Variants in MUC17 observed in about 807,000 individuals in gnomAD.
MUC17 encodes the protein mucin 17, cell surface associated.
Under a neutral mutation model 170.3 loss-of-function variants are expected in MUC17, and 190 were observed. The ratio of observed to expected loss-of-function variants is 1.12; its 90% confidence interval spans 0.99 to 1.26. MUC17 has a LOEUF of 1.26. Ranked by LOEUF, MUC17 falls within the 50% of genes most tolerant of loss-of-function variation. MUC17 has a pLI of 0.00. For missense variants in MUC17, 6,415 were observed against 5,530.0 expected (o/e 1.16, Z -5.08); for synonymous variants, 2,325 against 2,002.5 (o/e 1.16, Z -4.30).
At position 101,039,862 on chromosome 7, in the gene MUC17, C is replaced by A. The variant is rs764981548; in HGVS notation, c.8446C>A (p.Pro2816Thr). Residue 2816 changes from proline (P) to threonine (T), a missense_variant, in exon 3 of 13, where the codon CCT becomes ACT. Physicochemically the swap from Pro to Thr is conservative, Grantham distance 38. Coordinates refer to ENST00000306151, the MANE Select transcript of MUC17 (RefSeq NM_001040105.2). ...SETSTPLTSM[P>T]VNHTPVASSE... ...AACAAGTACTCCATTAACTAGTATG[C>A]CTGTCAACCACACGCCAGTGGCCAG... The A allele has an allele frequency of 5.6e-6, 9 of 1,612,322 alleles. No individual in the cohort carries two copies. In the African/African-American group the frequency reaches 1.1e-4, roughly 19 times the overall value.
rs71271502 is a variant in MUC17, at chr7:101,035,621, C to T, written c.4205C>T (p.Pro1402Leu). The change falls in exon 3 of 13, where the codon CCT becomes CTT. Residue 1402 changes from proline to leucine, a missense_variant. Pro to Leu is a moderately conservative substitution (Grantham distance 98). Coordinates refer to ENST00000306151, the MANE Select transcript of MUC17 (RefSeq NM_001040105.2). ...GGAACCACTCCGTTAACAAGTATAC[C>T]TGTCAGCACCACGCCGGTAGTCAGT... is the stretch of plus-strand genomic sequence containing the variant. ...SEGTTPLTSI[P>L]VSTTPVVSSE... 1 of 1,613,576 alleles carries T rather than the reference C, an allele frequency of 6.2e-7. No homozygotes were observed. Among genetic ancestry groups the T allele is most frequent in the East Asian group, 2.2e-5 (1 of 44,870 alleles).
chr7:101,045,777 G>T (rs1434311265), intron 3 of MUC17, among the ~76,000 whole-genome samples: 1 of 152,194 alleles, frequency 6.6e-6, no homozygotes, highest in Non-Finnish European at 1.5e-5. Context: ...CAGATGAGTG[G>T]TCTGAGAATT....
rs550300233 is a variant in MUC17, at chr7:101,032,876, C to A, written c.1460C>A (p.Thr487Asn). 1 of 1,613,356 alleles carries A rather than the reference C, an allele frequency of 6.2e-7. No individual in the cohort carries two copies. Among genetic ancestry groups the A allele is most frequent in the African/African-American group, 1.3e-5 (1 of 74,764 alleles). The change falls in exon 3 of 13, where the codon ACT becomes AAT. Residue 487 changes from threonine to asparagine, a missense_variant. By Grantham distance (65) the Thr-to-Asn change is moderately conservative (BLOSUM62 0). Transcript: ENST00000306151. Reference protein sequence around the residue: ...VDSKTQVTTSTEASSSPPTAE... With the variant: ...VDSKTQVTTSNEASSSPPTAE... ...TCCAAAACTCAGGTGACCACTTCTACTGAAGCCAGTTCATCTCCTCCAACT... is the reference window on the plus strand; with the variant it reads ...TCCAAAACTCAGGTGACCACTTCTAATGAAGCCAGTTCATCTCCTCCAACT...
chr7:101,033,183 C>G lies in MUC17; in HGVS notation c.1767C>G (p.Thr589=). The change falls in exon 3 of 13, where the codon ACC becomes ACG. Residue 589 remains threonine, a synonymous_variant. Transcript: ENST00000306151. ...TGGTGGTCAGTTCTGAGGCTAGCACCACTTCAACAACTCCTGCTGACTCCA... is the reference window on the plus strand; with the variant it reads ...TGGTGGTCAGTTCTGAGGCTAGCACGACTTCAACAACTCCTGCTGACTCCA... ...TRLVVSSEAS[T]TSTTPADSNT... The G allele has an allele frequency of 1.2e-6, 2 of 1,614,028 alleles. No individual in the cohort carries two copies. The highest frequency in any genetic ancestry group is 1.3e-5 in the African/African-American group (1 of 74,994).
chr7:101,031,720 ACT>A lies in MUC17; in HGVS notation c.306_307del (p.Pro103TrpfsTer21). ...TSIESSVTSDTPGVSSTRMTP... is the reference protein window; with the variant it reads ...TSIESSVTSDXPGVSSTRMTP... ...GATTGAGTCCAGTGTGACTTCAGAC[ACT>A]CCTGGTGTCTCCAGTACCAGGATGA... is the stretch of plus-strand genomic sequence containing the variant. On this transcript the variant is annotated frameshift_variant, in exon 3 of 13. Transcript: ENST00000306151. LOFTEE classifies it high-confidence loss of function. The A allele has an allele frequency of 6.2e-7, 1 of 1,611,644 alleles. No individual in the cohort carries two copies. Among genetic ancestry groups the A allele is most frequent in the South Asian group, 1.1e-5 (1 of 90,938 alleles).
intron 2 of MUC17, among the ~76,000 whole-genome samples, 156 bp downstream of exon 2, chr7:101,031,377 A>G (rs938102298): frequency 6.6e-6 from 1 of 152,220 alleles, no homozygotes; most frequent in Non-Finnish European, 1.5e-5. Context: ...GGAATCACCC[A>G]GGCAGGGACT....
Position 101,051,906 on chromosome 7 carries a change from C to T in MUC17, c.13047C>T (p.Val4349=). 3 of 1,614,216 alleles carry T rather than the reference C, an allele frequency of 1.9e-6. No homozygotes were observed. Among genetic ancestry groups the T allele is most frequent in the African/African-American group, 2.7e-5 (2 of 75,064 alleles). Reference sequence around the variant, plus strand: ...GCCCCTGTGAGCCTGGCTTCAGTGTCTCCAAGAACTGTAACCTCGGCAAGT... The same window carrying T: ...GCCCCTGTGAGCCTGGCTTCAGTGTTTCCAAGAACTGTAACCTCGGCAAGT... The part of the protein sequence containing the change: ...CISPCEPGFS[V]SKNCNLGKCQ... Residue 4349 remains valine (V), a synonymous_variant, in exon 9 of 13, where the codon GTC becomes GTT. Transcript: ENST00000306151.
intron 1 of MUC17, among the ~76,000 whole-genome samples, chr7:101,027,593 T>C (rs1231891467): frequency 1.3e-5 from 2 of 152,162 alleles, no homozygotes; most frequent in African/African-American, 4.8e-5. Flanking sequence ...ATGTGTCTTG[T>C]GTTTGGAGTT....
intron 1 of MUC17, 111 bp downstream of exon 1, chr7:101,020,328 G>A (rs1345394911): frequency 5.0e-6 from 4 of 800,076 alleles, no homozygotes; most frequent in Admixed American, 3.3e-5. Flanking sequence ...ATAGGGGTGT[G>A]CCCTCTGCCT....
Position 101,033,726 on chromosome 7 carries a change from T to C in MUC17, c.2310T>C (p.Thr770=), listed in dbSNP as rs747455039. Reference sequence around the variant, plus strand: ...CTGAGGCTAGCACCCTTTCAACAACTCCTCTTGACACAAGCACACATATCA... The same window carrying C: ...CTGAGGCTAGCACCCTTTCAACAACCCCTCTTGACACAAGCACACATATCA... The part of the protein sequence containing the change: ...TSSEASTLST[T]PLDTSTHITT... The change falls in exon 3 of 13, where the codon ACT becomes ACC. Residue 770 remains threonine (T), a synonymous_variant. Coordinates refer to ENST00000306151, the MANE Select transcript of MUC17 (RefSeq NM_001040105.2). The C allele has an allele frequency of 6.2e-7, 1 of 1,613,594 alleles. No homozygotes were observed. Among genetic ancestry groups the C allele is most frequent in the South Asian group, 1.1e-5 (1 of 91,070 alleles).
chr7:101,047,974 T>C lies in MUC17; in HGVS notation c.12404-10T>C. The C allele has an allele frequency of 6.4e-7, 1 of 1,571,580 alleles. No individual in the cohort carries two copies. The highest frequency in any genetic ancestry group is 8.6e-7 in the Non-Finnish European group (1 of 1,161,088). ...AACTTGGAAAGAAAACTTCTGTGAT[T>C]GTTCCACAGGCTTTGGAGATGGGTG... On this transcript the variant is annotated splice_polypyrimidine_tract_variant and intron_variant, in intron 3 of 12. Coordinates refer to ENST00000306151, the MANE Select transcript of MUC17 (RefSeq NM_001040105.2).
chr7:101,025,738 G>A (rs143837241), intron 1 of MUC17, among the ~76,000 whole-genome samples: 38 of 150,362 alleles, frequency 2.5e-4, no homozygotes, highest in African/African-American at 9.1e-4. Context: ...AGGTTGCAGC[G>A]AGCCAGGATC....
intron 6 of MUC17, among the ~76,000 whole-genome samples, chr7:101,050,086 G>T (rs919736857): frequency 6.6e-6 from 1 of 152,164 alleles, no homozygotes; most frequent in Admixed American, 6.5e-5. Context: ...AGCCAGGATC[G>T]CACCATTGCT....
Position 101,039,236 on chromosome 7 carries a change from C to T in MUC17, c.7820C>T (p.Thr2607Ile). ...TPVDTSIPVT[T>I]STETSSSPTT... ...GTTGACACCAGCATACCTGTCACCA[C>T]TTCTACTGAAACCAGTTCATCTCCT... The change falls in exon 3 of 13, where the codon ACT (threonine) becomes ATT (isoleucine). Residue 2607 changes from threonine to isoleucine, a missense_variant. Thr to Ile is a moderately conservative substitution (Grantham distance 89). Coordinates refer to ENST00000306151, the MANE Select transcript of MUC17 (RefSeq NM_001040105.2). The T allele has an allele frequency of 8.1e-6, 13 of 1,613,842 alleles. No individual in the cohort carries two copies. Among genetic ancestry groups the T allele is most frequent in the Non-Finnish European group, 1.1e-5 (13 of 1,179,856 alleles).
rs771149287 is a variant in MUC17, at chr7:101,033,578, C to T, written c.2162C>T (p.Thr721Ile). 1.3e-5 allele frequency: 21 copies of T among 1,613,814 alleles called. 1 individual carries two copies. The highest frequency in any genetic ancestry group is 8.9e-5 in the East Asian group (4 of 44,816). Residue 721 changes from threonine (T) to isoleucine (I), a missense_variant, in exon 3 of 13, where the codon ACT becomes ATT. Transcript: ENST00000306151. The part of the protein sequence containing the change: ...TPVDTSTPVT[T>I]STEASSSPTT... Reference sequence around the variant, plus strand: ...GTTGACACCAGCACACCTGTGACCACTTCAACTGAAGCCAGTTCCTCTCCT... The same window carrying T: ...GTTGACACCAGCACACCTGTGACCATTTCAACTGAAGCCAGTTCCTCTCCT...
rs200085915 is a variant in MUC17 at position 101,053,354 on chromosome 7, G to T, written c.13281G>T (p.Leu4427Phe). 11 of 1,614,098 alleles carry T rather than the reference G, an allele frequency of 6.8e-6. No individual in the cohort carries two copies. In the Middle Eastern group the frequency reaches 6.6e-4, roughly 97 times the overall value. The change falls in exon 11 of 13, where the codon TTG becomes TTT. Residue 4427 changes from leucine (L) to phenylalanine (F), a missense_variant. Physicochemically the swap from Leu to Phe is conservative, Grantham distance 22. Transcript: ENST00000306151. The part of the protein sequence containing the change: ...KREVKRQKYR[L>F]SQLYKWQEED... ...CCATCACTAGGCAAAAGTACAGATT[G>T]TCTCAGTTATACAAGTGGCAAGAAG...
chr7:101,030,704 G>T (rs970913897), intron 1 of MUC17, among the ~76,000 whole-genome samples: 3 of 151,614 alleles, frequency 2.0e-5, no homozygotes, highest in African/African-American at 7.3e-5. Context: ...GGGTAGCTGG[G>T]ACTACAGGCA....
At position 101,038,386 on chromosome 7, in the gene MUC17, G is replaced by A. The variant is rs1794564155; in HGVS notation, c.6970G>A (p.Glu2324Lys). 1 of 1,613,944 alleles carries A rather than the reference G, an allele frequency of 6.2e-7. No individual in the cohort carries two copies. The highest frequency in any genetic ancestry group is 1.1e-5 in the South Asian group (1 of 91,070). The part of the protein sequence containing the change: ...TEASSPPPTA[E>K]GTSMPTSTSS... ...AGCCAGTTCACCTCCTCCCACTGCT[G>A]AAGGTACCAGCATGCCAACCTCAAC... The change falls in exon 3 of 13, where the codon GAA becomes AAA. Residue 2324 changes from glutamate (E) to lysine (K), a missense_variant. By Grantham distance (56) the Glu-to-Lys change is moderately conservative. Coordinates refer to ENST00000306151, the MANE Select transcript of MUC17 (RefSeq NM_001040105.2).
intron 11 of MUC17, among the ~76,000 whole-genome samples, chr7:101,054,391 A>T (rs1396314568): frequency 6.6e-6 from 1 of 152,246 alleles, no homozygotes; most frequent in Non-Finnish European, 1.5e-5. Flanking sequence ...ACATGTTAAA[A>T]TTTCTAAAAA....
Sources: allele counts gnomAD v4.1 joint callset (sites outside exome capture counted in the v4.1 genomes callset), GRCh38; gene constraint gnomAD v4.1.1; transcripts MANE v1.5; gene names NCBI Gene and HGNC (gene_info 2026-07-23, HGNC 2026-07-21).